Variants in ZCCHC8 observed in about 807,000 individuals in gnomAD.
The protein encoded by ZCCHC8 is zinc finger CCHC-type containing 8, also known as zinc finger CCHC domain-containing protein 8.
Under a neutral mutation model 70.6 loss-of-function variants are expected in ZCCHC8, and 27 were observed. The ratio of observed to expected loss-of-function variants is 0.38; its 90% confidence interval spans 0.28 to 0.53. The LOEUF (loss-of-function observed/expected upper bound fraction) is 0.53, where lower values mean the gene tolerates loss of function less well. ZCCHC8 is among the 20% of genes least tolerant of loss of function. The pLI is 0.81. For synonymous variants in ZCCHC8, 293 were observed against 317.4 expected (o/e 0.92, Z 0.82); for missense variants, 737 against 876.9 (o/e 0.84, Z 2.01).
chr12:122,494,422 G>A (rs958218925), intron 2 of ZCCHC8, among the ~76,000 whole-genome samples: 2 of 151,732 alleles, frequency 1.3e-5, no homozygotes, highest in East Asian at 1.9e-4. Flanking sequence ...TTAGCCATGC[G>A]TGGTGGCACA....
intron 7 of ZCCHC8, 29 bp from the exon 8 acceptor site, chr12:122,482,724 T>C (rs773152234): frequency 1.3e-6 from 2 of 1,572,774 alleles, no homozygotes; most frequent in Non-Finnish European, 1.7e-6. Flanking sequence ...AAGATTTTTA[T>C]AATGTCAATA....
chr12:122,482,718 T>C, intron 7 of ZCCHC8, 23 bp from the exon 8 acceptor site: 1 of 1,584,714 alleles, frequency 6.3e-7, no homozygotes, highest in Non-Finnish European at 8.6e-7. Flanking sequence ...AAGACAAAGA[T>C]TTTTATAATG....
intron 13 of ZCCHC8, among the ~76,000 whole-genome samples, chr12:122,474,900 A>C (rs1957389915): frequency 6.6e-6 from 1 of 151,304 alleles, no homozygotes; most frequent in African/African-American, 2.4e-5. Flanking sequence ...ACGCCTGGCA[A>C]ATTTTTGTAT....
intron 2 of ZCCHC8, among the ~76,000 whole-genome samples, chr12:122,497,457 G>C (rs573383452): frequency 6.6e-6 from 1 of 151,800 alleles, no homozygotes; most frequent in Non-Finnish European, 1.5e-5. Flanking sequence ...CAGGAGAATT[G>C]CTTGAACCCG....
intron 5 of ZCCHC8, among the ~76,000 whole-genome samples, chr12:122,485,150 C>T (rs556175625): frequency 6.6e-6 from 1 of 152,184 alleles, no homozygotes; most frequent in South Asian, 2.1e-4. Flanking sequence ...CTCTTGTTGC[C>T]CAGGCTGGAG....
intron 2 of ZCCHC8, among the ~76,000 whole-genome samples, chr12:122,493,165 C>G (rs1000882888): frequency 7.2e-5 from 11 of 152,018 alleles, no homozygotes; most frequent in Admixed American, 4.6e-4. Context: ...ATCTCACCAG[C>G]CTTAAAATTC....
intron 5 of ZCCHC8, among the ~76,000 whole-genome samples, chr12:122,485,650 T>G (rs1331138076): frequency 6.6e-6 from 1 of 150,882 alleles, no homozygotes; most frequent in Non-Finnish European, 1.5e-5. Flanking sequence ...GTCTTCCCCA[T>G]CAGAGAAAAT....
intron 2 of ZCCHC8, 24 bp downstream of exon 2, chr12:122,498,803 G>T: frequency 6.2e-7 from 1 of 1,607,780 alleles, no homozygotes; most frequent in South Asian, 1.1e-5. Context: ...GGACAACTAT[G>T]GAGTAATTTC....
Position 122,499,014 on chromosome 12 carries a change from C to G in ZCCHC8, c.200-145G>C, listed in dbSNP as rs1957873647. ...TGAGGATGACACACTTATTGAGCTT[C>G]TATTTTGTTGCAGGGGTAGGCTTTT... On this transcript the variant is annotated intron_variant, in intron 1 of 13. Coordinates refer to ENST00000633063, the MANE Select transcript of ZCCHC8 (RefSeq NM_017612.5). The G allele has an allele frequency of 6.5e-6, 5 of 773,558 alleles. No homozygotes were observed. The South Asian group carries it at 8.3e-5, about 13-fold the overall frequency. The allele number at this position is 773,558 out of a possible 1,614,324, so 47.9% of individuals were successfully genotyped here.
intron 3 of ZCCHC8, chr12:122,492,004 C>T (rs1285305011): frequency 6.6e-6 from 1 of 152,288 alleles, no homozygotes; most frequent in Non-Finnish European, 1.5e-5. Flanking sequence ...CTTCCCAACC[C>T]TCAGAGCCTT....
chr12:122,489,155 C>T (rs1325617382), intron 5 of ZCCHC8, among the ~76,000 whole-genome samples: 1 of 152,182 alleles, frequency 6.6e-6, no homozygotes, highest in African/African-American at 2.4e-5. Context: ...AGTGGTTGGT[C>T]AATACAAAAA....
intron 9 of ZCCHC8, 45 bp downstream of exon 9, chr12:122,481,900 C>G (rs1957542840): frequency 6.3e-7 from 1 of 1,589,824 alleles, no homozygotes; most frequent in South Asian, 1.1e-5. Context: ...ATTCCAAATG[C>G]TAGGGAAATA....
chr12:122,481,654 G>C lies in ZCCHC8; in HGVS notation c.886C>G (p.Gln296Glu), dbSNP rs775988353. The C allele has an allele frequency of 8.1e-6, 13 of 1,611,256 alleles. No homozygotes were observed. In the East Asian group the frequency reaches 2.9e-4, roughly 36 times the overall value. ...TTGTCTGTCACACCTAGTGCATCTT[G>C]AAGTTCCTCACTAAGTAAAAATAAA... ...FKPGVISEEL[Q>E]DALGVTDKSL... is the part of the protein sequence containing the mutation. The change falls in exon 10 of 14, where the codon CAA becomes GAA. Residue 296 changes from glutamine to glutamate, a missense_variant. Physicochemically the swap from Gln to Glu is conservative, Grantham distance 29 (BLOSUM62 2). Transcript: ENST00000633063.
In ZCCHC8 at chr12:122,474,134, G is replaced by A. The variant is rs369211892; in HGVS notation, c.1487C>T (p.Thr496Ile). The stretch of plus-strand genomic sequence containing the variant: ...TCTGGTCTGGGGTGAGTCACTGGGA[G>A]TCAGCGGCGGGGTGCCCTTTGGGAG... ...PPLPKGTPPLTPSDSPQTRTA... is the reference protein window; with the variant it reads ...PPLPKGTPPLIPSDSPQTRTA... Residue 496 changes from threonine (T) to isoleucine (I), a missense_variant, in exon 14 of 14, where the codon ACT becomes ATT. Thr to Ile is a moderately conservative substitution (Grantham distance 89, BLOSUM62 -1). Coordinates refer to ENST00000633063, the MANE Select transcript of ZCCHC8 (RefSeq NM_017612.5). 1.5e-5 allele frequency: 22 copies of A among 1,509,388 alleles called. No homozygotes were observed. Among genetic ancestry groups the A allele is most frequent in the African/African-American group, 2.8e-5 (2 of 71,206 alleles). The allele number at this position is 1,509,388 out of a possible 1,614,324, so 93.5% of individuals were successfully genotyped here.
At chr12:122,493,728 T>C (rs987243958) in intron 2 of ZCCHC8, among the ~76,000 whole-genome samples, 1 of 152,206 alleles carries the variant, frequency 6.6e-6, no homozygotes, top group East Asian at 1.9e-4. Flanking sequence ...TTCTCCTGCC[T>C]CAGCTTCCCA....
chr12:122,497,820 G>A (rs1957848854), intron 2 of ZCCHC8, among the ~76,000 whole-genome samples: 1 of 151,588 alleles, frequency 6.6e-6, no homozygotes, highest in Non-Finnish European at 1.5e-5. Context: ...ACCAGCTTGA[G>A]TAACACAGCA....
At chr12:122,482,795 AAAGC>A (rs1450236200) in intron 7 of ZCCHC8, 100 bp from the exon 8 acceptor site, 2 of 977,400 alleles carry the variant, frequency 2.0e-6, no homozygotes, top group African/African-American at 3.3e-5. Context: ...GAGAGACAAG[AAAGC>A]AAGTTGATCA....
chr12:122,480,644 G>C, intron 10 of ZCCHC8: 1 of 164,146 alleles, frequency 6.1e-6, no homozygotes, highest in African/African-American at 2.4e-5. Flanking sequence ...GGTAGGCTGT[G>C]TATTTTTAGT....
At chr12:122,480,466 G>C in intron 10 of ZCCHC8, 155 bp from the exon 11 acceptor site, 1 of 596,918 alleles carries the variant, frequency 1.7e-6, no homozygotes, top group South Asian at 3.5e-5. Flanking sequence ...AAATCATTAG[G>C]ACAGAACTTT....
Sources: allele counts gnomAD v4.1 joint callset (sites outside exome capture counted in the v4.1 genomes callset), GRCh38; gene constraint gnomAD v4.1.1; transcripts MANE v1.5; gene names NCBI Gene and HGNC (gene_info 2026-07-23, HGNC 2026-07-21).